CTDP1: variants seen among roughly 807,000 people sequenced by gnomAD.
The protein encoded by CTDP1 is RNA polymerase II subunit A C-terminal domain phosphatase.
In CTDP1, 47 loss-of-function variants were observed where a neutral mutation model predicts 91.8. The observed-to-expected ratio is 0.51, with a 90% CI of 0.41 to 0.65. CTDP1 has a LOEUF of 0.65. Ranked by LOEUF, CTDP1 falls within the 30% of genes least tolerant of loss-of-function variation. CTDP1 has a pLI of 0.00. For synonymous variants in CTDP1, 656 were observed against 598.5 expected, an observed-to-expected ratio of 1.10 and a Z score of -1.40; for missense variants, 1,272 against 1,373.7, an observed-to-expected ratio of 0.93 and a Z score of 1.17.
chr18:79,715,652 A>G (rs914758233), intron 8 of CTDP1, 124 bp downstream of exon 8: 1 of 1,073,480 alleles, frequency 9.3e-7, no homozygotes, highest in African/African-American at 1.6e-5. Flanking sequence ...CAGAATCACC[A>G]TCTTTTAAGA....
intron 10 of CTDP1, among the ~76,000 whole-genome samples, chr18:79,722,982 G>A (rs1348710747): frequency 6.6e-6 from 1 of 152,172 alleles, no homozygotes; most frequent in Non-Finnish European, 1.5e-5. Flanking sequence ...CCCCCTGCTT[G>A]TCTGAGTTCA....
chr18:79,750,684 T>C (rs2086979426), intron 12 of CTDP1, among the ~76,000 whole-genome samples: 2 of 149,216 alleles, frequency 1.3e-5, no homozygotes, highest in South Asian at 4.3e-4. Flanking sequence ...TTTTTTTTTT[T>C]TTTTTTTAAT....
Position 79,721,465 on chromosome 18 carries a change from G to A in CTDP1, c.2417+3449G>A, listed in dbSNP as rs9947641. On this transcript the variant is annotated intron_variant, in intron 10 of 12. Coordinates refer to ENST00000613122, the MANE Select transcript of CTDP1 (RefSeq NM_004715.5). The stretch of plus-strand genomic sequence containing the variant: ...CTGTCATTCTAATCAGTAGAAGCAC[G>A]ATGGCAGGACAGATACGTGCACTGA... 4.8e-3 allele frequency among the ~76,000 whole-genome samples: 729 copies of A among 152,280 alleles called. 5 individuals are homozygous for A. Among genetic ancestry groups the A allele is most frequent in the African/African-American group, 0.016 (676 of 41,544 alleles).
intron 11 of CTDP1, 114 bp from the exon 12 acceptor site, chr18:79,736,241 C>T (rs2086664296): frequency 7.3e-7 from 1 of 1,364,884 alleles, no homozygotes; most frequent in Admixed American, 2.0e-5. Flanking sequence ...CAGAGTGCTA[C>T]CTCCAGCCCC....
intron 1 of CTDP1, among the ~76,000 whole-genome samples, chr18:79,687,761 A>G (rs1392089903): frequency 3.3e-5 from 5 of 152,394 alleles, no homozygotes; most frequent in Non-Finnish European, 7.3e-5. Flanking sequence ...AGGGGGTTAA[A>G]GTGTTTTCAG....
At chr18:79,701,426 C>T (rs534985701) in intron 4 of CTDP1, among the ~76,000 whole-genome samples, 2 of 151,810 alleles carry the variant, frequency 1.3e-5, no homozygotes, top group Non-Finnish European at 2.9e-5. Flanking sequence ...AGGAGAATGG[C>T]GTGAACCCGG....
chr18:79,691,156 C>T (rs1426258336), intron 1 of CTDP1, among the ~76,000 whole-genome samples: 2 of 151,810 alleles, frequency 1.3e-5, no homozygotes, highest in Non-Finnish European at 2.9e-5. Context: ...CTGTAGTCAT[C>T]TGCCGGTGGC....
intron 1 of CTDP1, among the ~76,000 whole-genome samples, chr18:79,683,999 G>A (rs2085430828): frequency 6.6e-6 from 1 of 152,238 alleles, no homozygotes; most frequent in South Asian, 2.1e-4. Context: ...CAGGAATAAC[G>A]GGAAGTATCT....
At chr18:79,735,206 G>A (rs376542300) in intron 11 of CTDP1, among the ~76,000 whole-genome samples, 19 of 152,290 alleles carry the variant, frequency 1.2e-4, no homozygotes, top group Non-Finnish European at 1.6e-4. Flanking sequence ...CTCTGTGGCC[G>A]TTTCTCGTAC....
rs945784729 is a variant in CTDP1, at chr18:79,717,967, C to T, written c.2368C>T (p.Pro790Ser). Residue 790 changes from proline to serine, a missense_variant, in exon 10 of 13, where the codon CCA becomes TCA. Pro to Ser is a moderately conservative substitution (Grantham distance 74, BLOSUM62 -1). Around this residue, in one of 3 missense-constraint regions of CTDP1, gnomAD observed 881 missense variants for 911.6 expected, o/e 0.97. Coordinates refer to ENST00000613122, the MANE Select transcript of CTDP1 (RefSeq NM_004715.5). ...KLIRTGARGP[P>S]APSSSLPIRQ... ...CATCAGGACGGGCGCCCGGGGGCCC[C>T]CAGCACCCTCCAGCTCCCTACCCAT... is the stretch of plus-strand genomic sequence containing the variant. 1.9e-6 allele frequency: 3 copies of T among 1,613,392 alleles called. No individual in the cohort carries two copies. Among genetic ancestry groups the T allele is most frequent in the Non-Finnish European group, 2.5e-6 (3 of 1,179,964 alleles).
chr18:79,679,211 C>T, upstream of CTDP1: 1 of 343,638 alleles, frequency 2.9e-6, no homozygotes, highest in South Asian at 2.1e-5. Context: ...CGCACCTGCC[C>T]CTGCGCTTCC....
rs2086123544 is a variant in CTDP1, at chr18:79,713,498, C to T, written c.1030+360C>T. On this transcript the variant is annotated intron_variant, in intron 7 of 12. Transcript: ENST00000613122. This position sits in a 1 kb window ranked among gnomAD's most constrained non-coding sequence, Gnocchi z 4.7. ...GAGAGAGTGAATGTGGGGGCGGTGG[C>T]TCTGCGGGGAATAACCGTTCCCCAT... 6.6e-6 allele frequency among the ~76,000 whole-genome samples: 1 copy of T among 152,200 alleles called. No homozygotes were observed.
At chr18:79,679,728 CG>C (rs2085312187), upstream of CTDP1, 1 of 512,756 alleles carries the variant, frequency 2.0e-6, no homozygotes, top group Non-Finnish European at 3.6e-6. Flanking sequence ...GCTCCGGCCC[CG>C]CGCGGCGCTC....
At chr18:79,704,274 C>T (rs1296137128) in intron 4 of CTDP1, among the ~76,000 whole-genome samples, 2 of 152,222 alleles carry the variant, frequency 1.3e-5, no homozygotes, top group Non-Finnish European at 2.9e-5. Context: ...GTCCTCTGTC[C>T]CACGTGGAGA....
At position 79,734,603 on chromosome 18, in the gene CTDP1, C is replaced by T. The variant is rs3786245; in HGVS notation, c.2581-1752C>T. On this transcript the variant is annotated intron_variant, in intron 11 of 12. Transcript: ENST00000613122. ...GGGCGCCACACTAGCGAGGGTCCCT[C>T]GGGTCCGTGGGCTGCCGTGCTGGCC... Among the ~76,000 whole-genome samples the T allele has an allele frequency of 1.4e-3, 217 of 151,164 alleles. 5 individuals carry two copies. The East Asian group carries it at 0.036, about 25-fold the overall frequency.
intron 10 of CTDP1, among the ~76,000 whole-genome samples, chr18:79,718,366 C>T (rs2086266069): frequency 6.6e-6 from 1 of 152,190 alleles, no homozygotes; most frequent in Non-Finnish European, 1.5e-5. Context: ...AGCCCCCCTC[C>T]CCACTCGCCT....
chr18:79,754,021 G>T lies in CTDP1; in HGVS notation c.*231G>T. On this transcript the variant is annotated 3_prime_UTR_variant, in exon 13 of 13. Coordinates refer to ENST00000613122, the MANE Select transcript of CTDP1 (RefSeq NM_004715.5). Reference sequence around the variant, plus strand: ...CAGGTGTTAAAGGCCCAGGTGTGCTGTGCCAAAGAGCTCAGCAGAGGCTCA... The same window carrying T: ...CAGGTGTTAAAGGCCCAGGTGTGCTTTGCCAAAGAGCTCAGCAGAGGCTCA... The T allele has an allele frequency of 1.6e-6, 1 of 611,586 alleles. No homozygotes were observed. The highest frequency in any genetic ancestry group is 2.8e-6 in the Non-Finnish European group (1 of 360,030). The allele number at this position is 611,586 out of a possible 1,614,324, so 37.9% of individuals were successfully genotyped here.
intron 1 of CTDP1, among the ~76,000 whole-genome samples, chr18:79,681,992 G>A (rs972768931): frequency 6.6e-6 from 1 of 152,198 alleles, no homozygotes; most frequent in Non-Finnish European, 1.5e-5. Flanking sequence ...CCCGTGCAGT[G>A]GGCGTGGGTG....
chr18:79,728,821 G>C, intron 10 of CTDP1, 86 bp from the exon 11 acceptor site: 1 of 1,372,164 alleles, frequency 7.3e-7, no homozygotes, highest in Non-Finnish European at 9.9e-7. Flanking sequence ...TGTTTACCTA[G>C]TCCGAGAGCC....
Sources: allele counts gnomAD v4.1 joint callset (sites outside exome capture counted in the v4.1 genomes callset), GRCh38; gene constraint gnomAD v4.1.1; regional missense constraint gnomAD v4.1.1; non-coding constraint Gnocchi (gnomAD v3.1); transcripts MANE v1.5; gene names NCBI Gene and HGNC (gene_info 2026-07-23, HGNC 2026-07-21).